AGBL4: variants seen among roughly 807,000 people sequenced by gnomAD.
AGBL4 encodes cytosolic carboxypeptidase 6.
Under a neutral mutation model 66.4 loss-of-function variants are expected in AGBL4, and 58 were observed. The observed-to-expected ratio is 0.87, with a 90% CI of 0.71 to 1.09. The LOEUF (loss-of-function observed/expected upper bound fraction) is 1.09, where lower values mean the gene tolerates loss of function less well. Ranked by LOEUF, AGBL4 falls within the 50% of genes least tolerant of loss-of-function variation. AGBL4 has a pLI of 0.00. For missense variants in AGBL4, 579 were observed against 631.0 expected (o/e 0.92, Z 0.88); for synonymous variants, 234 against 222.9 (o/e 1.05, Z -0.44).
chr1:49,264,700 C>G (rs1052486286), intron 3 of AGBL4, among the ~76,000 whole-genome samples: 7 of 152,106 alleles, frequency 4.6e-5, no homozygotes, highest in Non-Finnish European at 2.9e-5. Context: ...CGCATATCAC[C>G]ACACCCGGCT....
At chr1:49,040,851 A>G in intron 5 of AGBL4, among the ~76,000 whole-genome samples, 1 of 152,250 alleles carries the variant, frequency 6.6e-6, no homozygotes, top group East Asian at 1.9e-4. Flanking sequence ...TAATAGTTAC[A>G]CAACTCTATA....
At chr1:49,112,951 T>TA (rs1645442031) in intron 4 of AGBL4, among the ~76,000 whole-genome samples, 1 of 151,542 alleles carries the variant, frequency 6.6e-6, no homozygotes, top group African/African-American at 2.4e-5. Flanking sequence ...ATCTTCTTTT[T>TA]AATTTTTTTT....
intron 5 of AGBL4, among the ~76,000 whole-genome samples, chr1:48,937,271 T>C (rs1655559564): frequency 6.6e-6 from 1 of 152,182 alleles, no homozygotes; most frequent in Admixed American, 6.5e-5. Context: ...GGTAGAGCTA[T>C]GATTAGCTTT....
At chr1:49,560,563 A>T (rs1644014516) in intron 3 of AGBL4, among the ~76,000 whole-genome samples, 1 of 152,164 alleles carries the variant, frequency 6.6e-6, no homozygotes, top group African/African-American at 2.4e-5. Flanking sequence ...ATTCAAAGAG[A>T]TAATAAGAAC....
intron 3 of AGBL4, among the ~76,000 whole-genome samples, chr1:49,283,094 C>G (rs377439165): frequency 2.4e-4 from 37 of 152,210 alleles, no homozygotes; most frequent in Non-Finnish European, 3.1e-4. Context: ...AAAGACAGCA[C>G]TAACCTCTGC....
At chr1:49,347,720 C>A (rs887801042) in intron 3 of AGBL4, among the ~76,000 whole-genome samples, 9 of 151,002 alleles carry the variant, frequency 6.0e-5, no homozygotes, top group Non-Finnish European at 8.9e-5. Context: ...ATTAGCCGGG[C>A]GTGGTGGCAG....
At chr1:49,790,789 C>T (rs1041319960) in intron 2 of AGBL4, among the ~76,000 whole-genome samples, 9 of 152,066 alleles carry the variant, frequency 5.9e-5, no homozygotes, top group African/African-American at 2.2e-4. Flanking sequence ...TTGATAGAAA[C>T]TCAAATCTAA....
Position 48,721,252 on chromosome 1 carries a change from G to A in AGBL4, c.635-58011C>T, listed in dbSNP as rs781195712. 1.1e-3 allele frequency among the ~76,000 whole-genome samples: 168 copies of A among 152,278 alleles called. No homozygotes were observed. In the Middle Eastern group the frequency reaches 0.02, roughly 18 times the overall value. On this transcript the variant is annotated intron_variant, in intron 6 of 13. Transcript: ENST00000371839. ...GAGGTGGAATTAGGGTATAGTGTAA[G>A]AGACCCTCACAGTCCCTGTGATCAC...
chr1:49,376,187 C>T (rs1224534481), intron 3 of AGBL4, among the ~76,000 whole-genome samples: 1 of 152,008 alleles, frequency 6.6e-6, no homozygotes, highest in Non-Finnish European at 1.5e-5. Flanking sequence ...TACCTTTATG[C>T]CTTGGTGCTA....
chr1:48,774,558 C>A (rs1475403558), intron 6 of AGBL4, among the ~76,000 whole-genome samples: 2 of 152,216 alleles, frequency 1.3e-5, no homozygotes, highest in African/African-American at 2.4e-5. Flanking sequence ...TGGCACACTT[C>A]TTTGAACCTA....
chr1:49,696,013 G>A (rs1208024923), intron 3 of AGBL4, among the ~76,000 whole-genome samples: 1 of 152,076 alleles, frequency 6.6e-6, no homozygotes, highest in Non-Finnish European at 1.5e-5. Flanking sequence ...GCAATCAAGG[G>A]ATAGAGCAAG....
intron 5 of AGBL4, among the ~76,000 whole-genome samples, chr1:48,905,502 T>C (rs1253981596): frequency 1.3e-5 from 2 of 152,220 alleles, no homozygotes; most frequent in Admixed American, 6.5e-5. Context: ...GTTTCTCATA[T>C]AGAAGGTTTC....
intron 3 of AGBL4, among the ~76,000 whole-genome samples, chr1:49,452,762 T>C (rs998428982): frequency 2.6e-5 from 4 of 151,830 alleles, no homozygotes; most frequent in African/African-American, 7.2e-5. Context: ...AGACTAAAGA[T>C]TAGTTCCCAG....
intron 5 of AGBL4, among the ~76,000 whole-genome samples, chr1:48,932,519 A>G (rs1227622728): frequency 2.0e-5 from 3 of 152,168 alleles, no homozygotes; most frequent in African/African-American, 7.2e-5. Flanking sequence ...TTCTTTTTGC[A>G]GACTTGCCAG....
intron 4 of AGBL4, among the ~76,000 whole-genome samples, chr1:49,049,597 A>T (rs370469228): frequency 6.6e-6 from 1 of 152,074 alleles, no homozygotes; most frequent in Admixed American, 6.6e-5. Context: ...AAAGGGAAAA[A>T]ACCTTCTTAT....
intron 2 of AGBL4, among the ~76,000 whole-genome samples, chr1:49,718,991 A>G (rs1435638516): frequency 6.6e-6 from 1 of 152,138 alleles, no homozygotes; most frequent in South Asian, 2.1e-4. Context: ...AAAGAACAAC[A>G]TGTAACTAAA....
rs541789159 is a variant in AGBL4, at chr1:49,205,559, G to A, written c.377+40211C>T. Among the ~76,000 whole-genome samples, 8 of 152,122 alleles carry A rather than the reference G, an allele frequency of 5.3e-5. 1 individual carries two copies. In the South Asian group the frequency reaches 1.7e-3, roughly 32 times the overall value. On this transcript the variant is annotated intron_variant, in intron 4 of 13. Transcript: ENST00000371839. ...GTGGTGTGGGAGTGTAAGTAGGTAA[G>A]CTTCCTGTTTAAAAGAGCATTAGAC...
chr1:49,948,542 T>C (rs1431034161), intron 1 of AGBL4, among the ~76,000 whole-genome samples: 3 of 119,248 alleles, frequency 2.5e-5, no homozygotes, highest in South Asian at 2.4e-4. Flanking sequence ...TATAAATATA[T>C]AAATATATAT....
intron 5 of AGBL4, among the ~76,000 whole-genome samples, chr1:48,948,268 C>A (rs563535597): frequency 6.6e-6 from 1 of 152,212 alleles, no homozygotes; most frequent in Non-Finnish European, 1.5e-5. Flanking sequence ...GTGTGCCTTG[C>A]GCTTTGTCAG....
Sources: gnomAD v4.1 joint callset for allele counts (sites outside exome capture counted in the v4.1 genomes callset) on GRCh38, gnomAD v4.1.1 for gene constraint, MANE v1.5 for transcripts, NCBI Gene and HGNC (gene_info 2026-07-23, HGNC 2026-07-21) for gene names.